SMC3: variants seen among roughly 807,000 people sequenced by gnomAD.
The protein encoded by SMC3 is structural maintenance of chromosomes 3.
A neutral mutation model predicts 171.8 loss-of-function variants in SMC3; 20 were observed. That is an observed-to-expected ratio of 0.12 (90% CI 0.08 to 0.17). SMC3 has a LOEUF of 0.17. Among genes scored for constraint, SMC3 ranks in the 10% least tolerant of loss-of-function variants. The probability of loss-of-function intolerance (pLI) is 1.00; values close to 1 mark genes in which losing one functional copy is unlikely to be tolerated. For missense variants in SMC3, 543 were observed against 1,420.4 expected, an observed-to-expected ratio of 0.38 and a Z score of 9.93; for synonymous variants, 464 against 451.1, an observed-to-expected ratio of 1.03 and a Z score of -0.36.
In SMC3 at chr10:110,603,226, C is replaced by G; in HGVS notation, c.3518C>G (p.Thr1173Ser). 1 of 1,609,984 alleles carries G rather than the reference C, an allele frequency of 6.2e-7. No individual in the cohort carries two copies. Among genetic ancestry groups the G allele is most frequent in the Non-Finnish European group, 8.5e-7 (1 of 1,178,060 alleles). Residue 1173 changes from threonine to serine, a missense_variant, in exon 28 of 29, where the codon ACT becomes AGT. Physicochemically the swap from Thr to Ser is moderately conservative, Grantham distance 58. Coordinates refer to ENST00000361804, the MANE Select transcript of SMC3 (RefSeq NM_005445.4). ...ELAVHAQFITTTFRPELLESA... is the reference protein window; with the variant it reads ...ELAVHAQFITSTFRPELLESA... Reference sequence around the variant, plus strand: ...GCTGTACATGCTCAGTTTATTACAACTACTTTTAGGCCTGAACTGCTTGAG... The same window carrying G: ...GCTGTACATGCTCAGTTTATTACAAGTACTTTTAGGCCTGAACTGCTTGAG...
At position 110,584,222 on chromosome 10, in the gene SMC3, A is replaced by G; in HGVS notation, c.1131A>G (p.Ala377=). The G allele has an allele frequency of 6.2e-7, 1 of 1,614,142 alleles. No homozygotes were observed. The highest frequency in any genetic ancestry group is 2.2e-5 in the East Asian group (1 of 44,860). Reference sequence around the variant, plus strand: ...CCCAGGAAAGAACGGATCTTTATGCAAAGCAGGGTCGAGGAAGCCAGTTTA... The same window carrying G: ...CCCAGGAAAGAACGGATCTTTATGCGAAGCAGGGTCGAGGAAGCCAGTTTA... ...QATQERTDLY[A]KQGRGSQFTS... Residue 377 remains alanine (A), a synonymous_variant, in exon 13 of 29, where the codon GCA becomes GCG. Transcript: ENST00000361804.
Position 110,577,823 on chromosome 10 carries a change from A to AT in SMC3, c.271-6dup, listed in dbSNP as rs1275346961. On this transcript the variant is annotated splice_polypyrimidine_tract_variant and intron_variant, in intron 5 of 28. Coordinates refer to ENST00000361804, the MANE Select transcript of SMC3 (RefSeq NM_005445.4). ...TATTAAATTAACTGTGGGCTTTTAC[A>AT]TTTTTTCTTAGATCGATAAAGAGGA... 1.3e-6 allele frequency: 2 copies of AT among 1,594,994 alleles called. No homozygotes were observed. Among genetic ancestry groups the AT allele is most frequent in the Middle Eastern group, 1.7e-4 (1 of 6,018 alleles).
At chr10:110,587,704 A>G (rs1207766607) in intron 13 of SMC3, among the ~76,000 whole-genome samples, 1 of 151,812 alleles carries the variant, frequency 6.6e-6, no homozygotes, top group South Asian at 2.1e-4. Context: ...AAAAAAAAAA[A>G]AAGAAATATT....
intron 7 of SMC3, 131 bp from the exon 8 acceptor site, chr10:110,580,773 A>G (rs1590554301): frequency 1.4e-6 from 1 of 707,634 alleles, no homozygotes; most frequent in Non-Finnish European, 2.6e-6. Context: ...AATCTGTAAC[A>G]CTTCTGGTTT....
chr10:110,574,069 C>A (rs956524740), intron 3 of SMC3, among the ~76,000 whole-genome samples: 79 of 152,138 alleles, frequency 5.2e-4, no homozygotes, highest in African/African-American at 1.9e-3. Flanking sequence ...TATGAAAATG[C>A]TTTTTAAACT....
At position 110,567,700 on chromosome 10, in the gene SMC3, G is replaced by A; in HGVS notation, c.-117G>A. On this transcript the variant is annotated 5_prime_UTR_variant, in exon 1 of 29. Transcript: ENST00000361804. Reference sequence around the variant, plus strand: ...CCCACGAGCGCCGCCATTTTGTTTGGCTGAGGGGAGCGAGCGGCGCTTTGG... The same window carrying A: ...CCCACGAGCGCCGCCATTTTGTTTGACTGAGGGGAGCGAGCGGCGCTTTGG... The A allele has an allele frequency of 1.6e-6, 2 of 1,286,930 alleles. No individual in the cohort carries two copies. The highest frequency in any genetic ancestry group is 2.2e-6 in the Non-Finnish European group (2 of 896,044). 79.7% of individuals were successfully genotyped at this position (1,286,930 alleles called of 1,614,324 possible). A position where few individuals can be genotyped will look rare whatever the true frequency, so the allele number is the denominator to read the frequency against.
At chr10:110,598,735 A>G (rs899164940) in intron 20 of SMC3, among the ~76,000 whole-genome samples, 10 of 152,084 alleles carry the variant, frequency 6.6e-5, no homozygotes, top group African/African-American at 2.2e-4. Context: ...ATCTACATCT[A>G]TTTTACCATT....
intron 28 of SMC3, 123 bp from the exon 29 acceptor site, chr10:110,604,108 A>C (rs988339535): frequency 5.7e-6 from 3 of 525,698 alleles, no homozygotes; most frequent in South Asian, 1.9e-5. Flanking sequence ...AAAAAAAAAA[A>C]AAAAAAAAAC....
intron 13 of SMC3, among the ~76,000 whole-genome samples, chr10:110,588,733 T>C (rs1321239506): frequency 6.6e-6 from 1 of 152,198 alleles, no homozygotes; most frequent in African/African-American, 2.4e-5. Context: ...CTCAGTATAG[T>C]CTACTAAATT....
chr10:110,569,038 C>T (rs1408195689), intron 2 of SMC3, 25 bp downstream of exon 2: 1 of 1,385,020 alleles, frequency 7.2e-7, no homozygotes, highest in East Asian at 2.3e-5. Context: ...TTTACTCGGT[C>T]ATATTTATAG....
chr10:110,576,662 G>C (rs892524611), intron 4 of SMC3, among the ~76,000 whole-genome samples: 1 of 152,114 alleles, frequency 6.6e-6, no homozygotes, highest in African/African-American at 2.4e-5. Flanking sequence ...CCCTTGTTTA[G>C]TTTGAATTTG....
intron 5 of SMC3, 111 bp downstream of exon 5, chr10:110,577,603 ATACTGATTTTATCT>A: frequency 1.3e-6 from 1 of 790,018 alleles, no homozygotes; most frequent in Non-Finnish European, 2.1e-6. Flanking sequence ...TACAGTTTAT[ATACTGATTTTATCT>A]TAAAATGACA....
chr10:110,603,053 A>G (rs1861411424), intron 27 of SMC3, 51 bp downstream of exon 27: 1 of 1,589,222 alleles, frequency 6.3e-7, no homozygotes, highest in Non-Finnish European at 8.6e-7. Context: ...AGCTGGTAAT[A>G]TTTGCTGATG....
chr10:110,581,239 A>G (rs943295859), intron 8 of SMC3, among the ~76,000 whole-genome samples: 7 of 118,918 alleles, frequency 5.9e-5, no homozygotes, highest in African/African-American at 1.3e-4. Flanking sequence ...TTTTTTTGAG[A>G]TGGAGTCTTG....
chr10:110,583,262 G>C, intron 10 of SMC3, 122 bp from the exon 11 acceptor site: 1 of 797,192 alleles, frequency 1.3e-6, no homozygotes, highest in Non-Finnish European at 2.1e-6. Context: ...GGGAGAGTTA[G>C]AGGAATTGAA....
intron 28 of SMC3, among the ~76,000 whole-genome samples, chr10:110,603,787 T>C (rs1192110798): frequency 6.6e-6 from 1 of 152,206 alleles, no homozygotes; most frequent in African/African-American, 2.4e-5. Flanking sequence ...AGAATTATTT[T>C]CCTTCATATG....
chr10:110,604,458 C>T lies in SMC3; in HGVS notation c.*156C>T. 3.3e-6 allele frequency: 2 copies of T among 613,834 alleles called. No homozygotes were observed. The highest frequency in any genetic ancestry group is 2.6e-5 in the Admixed American group (1 of 37,902). The allele number at this position is 613,834 out of a possible 1,614,324, so 38.0% of individuals were successfully genotyped here. ...TTGTCTTTGTATTTTATAAGATACT[C>T]TGTAATGTCATGTTTGTACTGATAG... On this transcript the variant is annotated 3_prime_UTR_variant, in exon 29 of 29. Transcript: ENST00000361804.
intron 17 of SMC3, 102 bp downstream of exon 17, chr10:110,591,234 G>A (rs1861200323): frequency 2.6e-6 from 3 of 1,154,764 alleles, no homozygotes; most frequent in South Asian, 2.6e-5. Flanking sequence ...CTGGGATTCA[G>A]TGGTGTATGA....
intron 18 of SMC3, among the ~76,000 whole-genome samples, chr10:110,595,766 T>C (rs1399624631): frequency 3.9e-5 from 6 of 152,092 alleles, no homozygotes; most frequent in African/African-American, 1.2e-4. Flanking sequence ...TAATTCAATA[T>C]GTTATTACAT....
Sources: allele counts gnomAD v4.1 joint callset (sites outside exome capture counted in the v4.1 genomes callset), GRCh38; gene constraint gnomAD v4.1.1; transcripts MANE v1.5; gene names NCBI Gene and HGNC (gene_info 2026-07-23, HGNC 2026-07-21).